REV1: variants seen among roughly 807,000 people sequenced by gnomAD.
The protein encoded by REV1 is REV1 DNA directed polymerase.
Under a neutral mutation model 137.4 loss-of-function variants are expected in REV1, and 42 were observed. The ratio of observed to expected loss-of-function variants is 0.31; its 90% CI spans 0.24 to 0.40. The LOEUF is 0.40. REV1 is among the 10% of genes least tolerant of loss of function. The probability of loss-of-function intolerance (pLI) is 1.00; values close to 1 mark genes in which losing one functional copy is unlikely to be tolerated. For missense variants in REV1, 1,282 were observed against 1,490.1 expected (o/e 0.86, Z 2.30); for synonymous variants, 524 against 519.2 (o/e 1.01, Z -0.12).
In REV1 at chr2:99,410,688, A is replaced by G; in HGVS notation, c.2345+7T>C. On this transcript the variant is annotated splice_region_variant and intron_variant, in intron 14 of 22. Coordinates refer to ENST00000258428, the MANE Select transcript of REV1 (RefSeq NM_016316.4). The stretch of plus-strand genomic sequence containing the variant: ...AATTACCAATATCATTTCTGAGGTG[A>G]GCTTACCTGGCAATGTTATCACAAA... The G allele has an allele frequency of 6.3e-7, 1 of 1,580,816 alleles. No individual in the cohort carries two copies. Among genetic ancestry groups the G allele is most frequent in the South Asian group, 1.2e-5 (1 of 84,896 alleles).
chr2:99,400,512 T>TAAC lies in REV1; in HGVS notation c.*726_*728dup, dbSNP rs979211323. On this transcript the variant is annotated 3_prime_UTR_variant, in exon 23 of 23. Transcript: ENST00000258428. The stretch of plus-strand genomic sequence containing the variant: ...CTATTTTTATTTTAAAGTTATGGCA[T>TAAC]AACATATAACATAAAAATATTTTAT... 6.6e-6 allele frequency: 1 copy of TAAC among 152,226 alleles called. No homozygotes were observed. Among genetic ancestry groups the TAAC allele is most frequent in the African/African-American group, 2.4e-5 (1 of 41,470 alleles). 9.4% of individuals were successfully genotyped at this position (152,226 alleles called of 1,614,324 possible).
chr2:99,400,693 T>C lies in REV1; in HGVS notation c.*548A>G, dbSNP rs1402727195. 6.6e-6 allele frequency: 1 copy of C among 152,204 alleles called. No homozygotes were observed. The highest frequency in any genetic ancestry group is 1.5e-5 in the Non-Finnish European group (1 of 68,044). 9.4% of individuals were successfully genotyped at this position (152,204 alleles called of 1,614,324 possible). A position where few individuals can be genotyped will look rare whatever the true frequency, so the allele number is the denominator to read the frequency against. On this transcript the variant is annotated 3_prime_UTR_variant, in exon 23 of 23. Transcript: ENST00000258428. The stretch of plus-strand genomic sequence containing the variant: ...GTGAGGGTGTTTCTAATTCAAAATA[T>C]GTAGATTTCTCCGCATGGAAGAAGT...
intron 12 of REV1, among the ~76,000 whole-genome samples, chr2:99,414,420 G>C (rs1301302990): frequency 2.6e-5 from 4 of 151,132 alleles, no homozygotes; most frequent in East Asian, 3.9e-4. Context: ...CCAGAACAAA[G>C]GGCAAGTAAA....
chr2:99,409,341 G>T (rs1444062698), intron 14 of REV1, among the ~76,000 whole-genome samples: 3 of 152,130 alleles, frequency 2.0e-5, no homozygotes, highest in Non-Finnish European at 4.4e-5. Context: ...TCATATACAT[G>T]AATGCACCAT....
intron 1 of REV1, among the ~76,000 whole-genome samples, chr2:99,471,987 T>C (rs748242202): frequency 4.6e-5 from 7 of 151,494 alleles, no homozygotes; most frequent in African/African-American, 7.3e-5. Context: ...GCAGCTGATA[T>C]GAGAAACAGT....
chr2:99,489,575 A>T (rs1687480231), intron 1 of REV1, among the ~76,000 whole-genome samples: 1 of 148,226 alleles, frequency 6.7e-6, no homozygotes, highest in African/African-American at 2.4e-5. Context: ...ACGGAAGGGA[A>T]GGGGAGGGGA....
intron 4 of REV1, among the ~76,000 whole-genome samples, chr2:99,444,377 A>G (rs926189808): frequency 6.6e-6 from 1 of 152,240 alleles, no homozygotes; most frequent in African/African-American, 2.4e-5. Flanking sequence ...AAAACGCCCT[A>G]TGATCATTCT....
chr2:99,410,805 G>A lies in REV1; in HGVS notation c.2235C>T (p.Ala745=), dbSNP rs1559294527. 1 of 1,610,288 alleles carries A rather than the reference G, an allele frequency of 6.2e-7. No individual in the cohort carries two copies. The change falls in exon 14 of 23, where the codon GCC becomes GCT. Residue 745 remains alanine, a synonymous_variant. Coordinates refer to ENST00000258428, the MANE Select transcript of REV1 (RefSeq NM_016316.4). ...TTAGACGTTTACCCTTCATGCCAGT[G>A]GCTTCTAGTCTTCTTTGAATTTCTT... The part of the protein sequence containing the change: ...LSEEIQRRLE[A]TGMKGKRLTL...
intron 11 of REV1, among the ~76,000 whole-genome samples, chr2:99,420,342 T>G (rs982932327): frequency 6.6e-6 from 1 of 152,144 alleles, no homozygotes; most frequent in Non-Finnish European, 1.5e-5. Context: ...GGAAGCACAC[T>G]TGTCATATGC....
chr2:99,437,991 C>A (rs888261792), intron 6 of REV1, among the ~76,000 whole-genome samples: 2 of 151,946 alleles, frequency 1.3e-5, no homozygotes, highest in African/African-American at 4.8e-5. Flanking sequence ...TAAAAAAATC[C>A]TATAATCTGT....
At position 99,402,126 on chromosome 2, in the gene REV1, C is replaced by G. The variant is rs570662725; in HGVS notation, c.3644+118G>C. The G allele has an allele frequency of 3.0e-5, 17 of 570,810 alleles. No individual in the cohort carries two copies. In the African/African-American group the frequency reaches 3.3e-4, roughly 11 times the overall value. 35.4% of individuals were successfully genotyped at this position (570,810 alleles called of 1,614,324 possible). A position where few individuals can be genotyped will look rare whatever the true frequency, so the allele number is the denominator to read the frequency against. ...GTCAACATGGCAAAATAAAGGATATCACTTTCTCATTAACCCTAATGAGTA... is the reference window on the plus strand; with the variant it reads ...GTCAACATGGCAAAATAAAGGATATGACTTTCTCATTAACCCTAATGAGTA... On this transcript the variant is annotated intron_variant, in intron 22 of 22. Transcript: ENST00000258428.
intron 4 of REV1, among the ~76,000 whole-genome samples, chr2:99,448,419 T>C (rs540791759): frequency 2.0e-5 from 3 of 152,360 alleles, no homozygotes; most frequent in East Asian, 3.9e-4. Context: ...TCAGATGACA[T>C]ATTTAAACTT....
At chr2:99,486,131 T>C (rs772815959) in intron 1 of REV1, among the ~76,000 whole-genome samples, 2 of 152,030 alleles carry the variant, frequency 1.3e-5, no homozygotes, top group Non-Finnish European at 2.9e-5. Context: ...TCTCAAAAAA[T>C]GTTAAAAAAG....
rs1330716426 is a variant in REV1 at position 99,489,808 on chromosome 2, G to A, written c.-11+9C>T. ...CCCCCACCCCGCCGCCGGCCCGGGG[G>A]TCGCTCACCTTCCGCGTTGCCCCAG... On this transcript the variant is annotated intron_variant, in intron 1 of 22. Transcript: ENST00000258428. The A allele has an allele frequency of 2.0e-5, 3 of 148,910 alleles. No homozygotes were observed. Among genetic ancestry groups the A allele is most frequent in the Non-Finnish European group, 3.0e-5 (2 of 66,692 alleles). 9.2% of individuals were successfully genotyped at this position (148,910 alleles called of 1,614,324 possible). A position where few individuals can be genotyped will look rare whatever the true frequency, so the allele number is the denominator to read the frequency against.
rs1429125822 is a variant in REV1 at position 99,401,005 on chromosome 2, A to T, written c.*236T>A. The T allele has an allele frequency of 3.3e-6, 1 of 302,330 alleles. No individual in the cohort carries two copies. Among genetic ancestry groups the T allele is most frequent in the Non-Finnish European group, 6.2e-6 (1 of 160,984 alleles). 18.7% of individuals were successfully genotyped at this position (302,330 alleles called of 1,614,324 possible). A position where few individuals can be genotyped will look rare whatever the true frequency, so the allele number is the denominator to read the frequency against. On this transcript the variant is annotated 3_prime_UTR_variant, in exon 23 of 23. Transcript: ENST00000258428. ...ACACTTCACTGTAAAAATCCATAAAACTTTATAAACAAACATTTTGTAAAT... is the reference window on the plus strand; with the variant it reads ...ACACTTCACTGTAAAAATCCATAAATCTTTATAAACAAACATTTTGTAAAT...
In REV1 at chr2:99,404,533, C is replaced by T. The variant is rs1007794719; in HGVS notation, c.2956G>A (p.Val986Ile). The T allele has an allele frequency of 6.2e-7, 1 of 1,614,188 alleles. No individual in the cohort carries two copies. Among genetic ancestry groups the T allele is most frequent in the Admixed American group, 1.7e-5 (1 of 60,016 alleles). ...GGTATTTGCAACAAGACTGTCCCAA[C>T]TGGTTGTGGCAAAATTCCTGTATTA... The part of the protein sequence containing the change: ...GCNTGILPQP[V>I]GTVLLQIPEP... The change falls in exon 18 of 23, where the codon GTT (valine) becomes ATT (isoleucine). Residue 986 changes from valine to isoleucine, a missense_variant. Transcript: ENST00000258428.
chr2:99,410,512 G>A (rs992066339), intron 14 of REV1, among the ~76,000 whole-genome samples, 183 bp downstream of exon 14: 17 of 152,272 alleles, frequency 1.1e-4, no homozygotes, highest in Non-Finnish European at 1.9e-4. Context: ...TGTGGGCCTC[G>A]CTGAAACCAA....
In REV1 at chr2:99,400,544, T is replaced by C. The variant is rs1675229267; in HGVS notation, c.*697A>G. 6.6e-6 allele frequency: 1 copy of C among 152,216 alleles called. No homozygotes were observed. The highest frequency in any genetic ancestry group is 6.5e-5 in the Admixed American group (1 of 15,276). The allele number at this position is 152,216 out of a possible 1,614,324, so 9.4% of individuals were successfully genotyped here. ...TAACATAAAAATATTTTATATACGT[T>C]TGAAAAATCTATACCGTTCTTTTTT... is the stretch of plus-strand genomic sequence containing the variant. On this transcript the variant is annotated 3_prime_UTR_variant, in exon 23 of 23. Coordinates refer to ENST00000258428, the MANE Select transcript of REV1 (RefSeq NM_016316.4).
intron 8 of REV1, among the ~76,000 whole-genome samples, chr2:99,431,232 T>A (rs995290717): frequency 6.6e-6 from 1 of 152,206 alleles, no homozygotes; most frequent in Non-Finnish European, 1.5e-5. Context: ...CAAATCAAAC[T>A]GACTAACATC....
Sources: gnomAD v4.1 joint callset for allele counts (sites outside exome capture counted in the v4.1 genomes callset) on GRCh38, gnomAD v4.1.1 for gene constraint, MANE v1.5 for transcripts, NCBI Gene and HGNC (gene_info 2026-07-23, HGNC 2026-07-21) for gene names.